MACROD2: variants seen among roughly 807,000 people sequenced by gnomAD.
The protein encoded by MACROD2 is mono-ADP ribosylhydrolase 2, also known as ADP-ribose glycohydrolase MACROD2.
MACROD2 carries 36 observed loss-of-function variants against 70.4 expected under a neutral mutation model. The ratio of observed to expected loss-of-function variants is 0.51; its 90% CI spans 0.39 to 0.68. The LOEUF (loss-of-function observed/expected upper bound fraction) is 0.68. Ranked by LOEUF, MACROD2 falls within the 30% of genes least tolerant of loss-of-function variation. MACROD2 has a pLI of 0.00. For synonymous variants in MACROD2, 172 were observed against 178.8 expected (o/e 0.96, Z 0.30); for missense variants, 496 against 538.4 (o/e 0.92, Z 0.78).
chr20:15,127,543 ATGTT>A (rs147037733), intron 5 of MACROD2, among the ~76,000 whole-genome samples: 1,898 of 152,040 alleles, frequency 0.012, 48 homozygotes, highest in African/African-American at 0.043. Context: ...AGTCATGTGA[ATGTT>A]TGGTTGGAGC....
intron 6 of MACROD2, among the ~76,000 whole-genome samples, chr20:15,360,879 G>A (rs144945539): frequency 6.7e-6 from 1 of 149,782 alleles, no homozygotes; most frequent in East Asian, 2.0e-4. Context: ...ATCTCTTTAT[G>A]TCCTTTGCCC....
At chr20:15,856,785 C>G (rs1285939881) in intron 8 of MACROD2, among the ~76,000 whole-genome samples, 1 of 152,164 alleles carries the variant, frequency 6.6e-6, no homozygotes, top group Non-Finnish European at 1.5e-5. Context: ...ACTAGGGAAT[C>G]ATCTGAGTTT....
intron 5 of MACROD2, among the ~76,000 whole-genome samples, chr20:14,732,524 A>G (rs973984781): frequency 6.6e-6 from 1 of 152,168 alleles, no homozygotes; most frequent in Non-Finnish European, 1.5e-5. Context: ...GAGTAACACA[A>G]GTATTCTTAT....
At chr20:15,097,978 C>A (rs754036859) in intron 5 of MACROD2, among the ~76,000 whole-genome samples, 2 of 152,148 alleles carry the variant, frequency 1.3e-5, no homozygotes, top group Non-Finnish European at 2.9e-5. Context: ...TGTTACTTAT[C>A]ACAAATGTTA....
intron 3 of MACROD2, among the ~76,000 whole-genome samples, chr20:14,140,206 A>G (rs948483714): frequency 2.6e-5 from 4 of 152,196 alleles, no homozygotes; most frequent in African/African-American, 9.7e-5. Flanking sequence ...GTGGTTTGTC[A>G]TTTACTAGGA....
intron 8 of MACROD2, among the ~76,000 whole-genome samples, chr20:15,772,100 AAATATATATATAT>A (rs1436834958): frequency 3.9e-4 from 35 of 89,688 alleles, no homozygotes; most frequent in African/African-American, 2.2e-3. Context: ...AAAAAAAAAA[AAATATATATATAT>A]ATATATATAT....
At chr20:15,420,464 C>T (rs1335983933) in intron 6 of MACROD2, among the ~76,000 whole-genome samples, 1 of 152,208 alleles carries the variant, frequency 6.6e-6, no homozygotes. Context: ...ATCTCATGCA[C>T]AGTCTCCTAC....
chr20:14,334,424 G>T (rs1271156199), intron 3 of MACROD2, among the ~76,000 whole-genome samples: 2 of 152,206 alleles, frequency 1.3e-5, no homozygotes, highest in East Asian at 3.8e-4. Context: ...GTTAGAAGGA[G>T]CTGAGAAACA....
chr20:14,721,348 TA>T (rs2071467582), intron 5 of MACROD2, among the ~76,000 whole-genome samples: 2 of 151,814 alleles, frequency 1.3e-5, no homozygotes, highest in South Asian at 4.2e-4. Flanking sequence ...CAATTTGGCA[TA>T]ATTATAAATT....
intron 4 of MACROD2, among the ~76,000 whole-genome samples, chr20:14,540,226 C>A (rs1379253128): frequency 6.6e-6 from 1 of 152,078 alleles, no homozygotes; most frequent in Admixed American, 6.6e-5. Context: ...CAGGATGTTT[C>A]CAAGTTTATC....
intron 5 of MACROD2, chr20:14,895,671 A>C (rs553840643): frequency 1.3e-5 from 2 of 152,270 alleles, no homozygotes; most frequent in African/African-American, 2.4e-5. Flanking sequence ...CTTTATAAGA[A>C]TCTTCAATGT....
intron 4 of MACROD2, among the ~76,000 whole-genome samples, chr20:14,501,921 A>G (rs1293163106): frequency 3.3e-5 from 5 of 152,196 alleles, no homozygotes; most frequent in African/African-American, 7.2e-5. Context: ...GTGCCAGGAT[A>G]TGTCTACATA....
chr20:15,024,845 G>C (rs1041811694), intron 5 of MACROD2, among the ~76,000 whole-genome samples: 1 of 152,066 alleles, frequency 6.6e-6, no homozygotes, highest in African/African-American at 2.4e-5. Flanking sequence ...GATTTCCATC[G>C]ATCAAGAGAT....
At chr20:15,220,857 A>C (rs1216584488) in intron 5 of MACROD2, among the ~76,000 whole-genome samples, 1 of 152,224 alleles carries the variant, frequency 6.6e-6, no homozygotes, top group Non-Finnish European at 1.5e-5. Context: ...CAATTGCCCT[A>C]TGCACTGGCA....
At chr20:14,230,358 A>T (rs6079360) in intron 3 of MACROD2, among the ~76,000 whole-genome samples, 147,410 of 152,094 alleles carry the variant, frequency 0.97, 71,454 homozygotes, top group Admixed American at 0.99. Flanking sequence ...AATCCTTTGT[A>T]GTCATTTCAA....
chr20:14,490,932 C>G (rs1165600718), intron 3 of MACROD2, among the ~76,000 whole-genome samples: 1 of 152,148 alleles, frequency 6.6e-6, no homozygotes, highest in Non-Finnish European at 1.5e-5. Flanking sequence ...TATTATAAAA[C>G]ATGTCTTGAA....
At chr20:15,056,340 G>T (rs2075485516) in intron 5 of MACROD2, among the ~76,000 whole-genome samples, 1 of 151,008 alleles carries the variant, frequency 6.6e-6, no homozygotes, top group Non-Finnish European at 1.5e-5. Flanking sequence ...TCAGGGTGAA[G>T]TGAAATCTGC....
At chr20:14,862,486 A>AATATATATATAAAT (rs2073363681) in intron 5 of MACROD2, among the ~76,000 whole-genome samples, 1 of 9,162 alleles carries the variant, frequency 1.1e-4, no homozygotes, top group African/African-American at 2.3e-4. Flanking sequence ...AATATATATA[A>AATATATATATAAAT]ATATATATAT....
At chr20:14,261,818 G>A (rs370653660) in intron 3 of MACROD2, among the ~76,000 whole-genome samples, 4 of 152,304 alleles carry the variant, frequency 2.6e-5, no homozygotes, top group South Asian at 4.1e-4. Context: ...AGTAGAGCAT[G>A]TGACCCAAGC....
Sources: gnomAD v4.1 joint callset for allele counts (sites outside exome capture counted in the v4.1 genomes callset) on GRCh38, gnomAD v4.1.1 for gene constraint, MANE v1.5 for transcripts, NCBI Gene and HGNC (gene_info 2026-07-23, HGNC 2026-07-21) for gene names.